XKR6: variants seen among roughly 807,000 people sequenced by gnomAD.
XKR6 encodes the protein XK-related protein 6.
In XKR6, 22 loss-of-function variants were observed where a neutral mutation model predicts 56.7. That is an observed-to-expected ratio of 0.39 (90% confidence interval 0.28 to 0.55). The LOEUF (loss-of-function observed/expected upper bound fraction) is 0.55. Among genes scored for constraint, XKR6 ranks in the 20% least tolerant of loss-of-function variants. The pLI is 0.66. For synonymous variants in XKR6, 524 were observed against 387.8 expected (o/e 1.35, Z -4.13); for missense variants, 852 against 889.0 (o/e 0.96, Z 0.53).
At chr8:11,021,595 C>T (rs1798750709) in intron 1 of XKR6, among the ~76,000 whole-genome samples, 1 of 152,164 alleles carries the variant, frequency 6.6e-6, no homozygotes, top group South Asian at 2.1e-4. Flanking sequence ...GCTGGGTCTG[C>T]TCAGGACCCA....
intron 1 of XKR6, among the ~76,000 whole-genome samples, chr8:10,983,404 A>G (rs1797779715): frequency 6.6e-6 from 1 of 152,108 alleles, no homozygotes; most frequent in Non-Finnish European, 1.5e-5. Context: ...TGTAAAGATC[A>G]ATTTGTAAAC....
intron 1 of XKR6, among the ~76,000 whole-genome samples, chr8:10,955,877 T>A (rs1248901822): frequency 6.6e-6 from 1 of 152,232 alleles, no homozygotes; most frequent in African/African-American, 2.4e-5. Context: ...TTCAATGTCA[T>A]GTTGCCTTGA....
At chr8:11,172,934 A>G (rs560175504) in intron 1 of XKR6, among the ~76,000 whole-genome samples, 1 of 152,352 alleles carries the variant, frequency 6.6e-6, no homozygotes, top group East Asian at 1.9e-4. Context: ...GTTTCAAGTT[A>G]TACATTCAAT....
At chr8:11,085,352 G>A (rs145790994) in intron 1 of XKR6, among the ~76,000 whole-genome samples, 7 of 152,328 alleles carry the variant, frequency 4.6e-5, no homozygotes, top group African/African-American at 1.7e-4. Flanking sequence ...CATGGGGTGC[G>A]GTTGCTGCTC....
intron 1 of XKR6, chr8:11,066,872 C>A (rs1307693986): frequency 6.6e-6 from 1 of 152,218 alleles, no homozygotes; most frequent in Non-Finnish European, 1.5e-5. Flanking sequence ...TGTCTGCACA[C>A]AGTGGTCCCC....
chr8:11,146,308 T>C (rs1031635232), intron 1 of XKR6, among the ~76,000 whole-genome samples: 6 of 152,130 alleles, frequency 3.9e-5, no homozygotes, highest in African/African-American at 1.2e-4. Context: ...TTCTAAAATA[T>C]GATACCAAAA....
At chr8:11,120,061 A>C (rs1407159612) in intron 1 of XKR6, among the ~76,000 whole-genome samples, 1 of 152,230 alleles carries the variant, frequency 6.6e-6, no homozygotes, top group Non-Finnish European at 1.5e-5. Context: ...TATCTATGAC[A>C]AACCCACAGC....
At chr8:10,996,601 C>T (rs1247707677) in intron 1 of XKR6, among the ~76,000 whole-genome samples, 1 of 152,168 alleles carries the variant, frequency 6.6e-6, no homozygotes, top group Admixed American at 6.5e-5. Flanking sequence ...TCTGCTGTAT[C>T]TACAAGTGGC....
At chr8:11,066,015 C>T (rs1198339556) in intron 1 of XKR6, among the ~76,000 whole-genome samples, 2 of 152,252 alleles carry the variant, frequency 1.3e-5, no homozygotes, top group Non-Finnish European at 2.9e-5. Context: ...GCTCTGCATT[C>T]TCTGAAGTCC....
chr8:11,029,785 C>G (rs114815444), intron 1 of XKR6, among the ~76,000 whole-genome samples: 10,255 of 152,102 alleles, frequency 0.067, 389 homozygotes, highest in South Asian at 0.11. Context: ...GAACCCAGGA[C>G]ACTCTAACTC....
chr8:10,936,223 C>G lies in XKR6; in HGVS notation c.765-11393G>C, dbSNP rs917238229. On this transcript the variant is annotated intron_variant, in intron 1 of 2. Transcript: ENST00000416569. Reference sequence around the variant, plus strand: ...TTTTATCAGAGAGTAGGATTGCAACCCCTGCCTTTTTTTGTTTTCCATTTG... The same window carrying G: ...TTTTATCAGAGAGTAGGATTGCAACGCCTGCCTTTTTTTGTTTTCCATTTG... Among the ~76,000 whole-genome samples the G allele has an allele frequency of 5.4e-4, 82 of 150,636 alleles. 1 individual carries two copies. The highest frequency in any genetic ancestry group is 1.9e-3 in the South Asian group (9 of 4,754).
chr8:11,171,617 G>A (rs1802372315), intron 1 of XKR6, among the ~76,000 whole-genome samples: 1 of 152,150 alleles, frequency 6.6e-6, no homozygotes, highest in African/African-American at 2.4e-5. Flanking sequence ...CTTGCCGTGT[G>A]ATCTCTGCAC....
chr8:11,031,873 C>T (rs563202452), intron 1 of XKR6, among the ~76,000 whole-genome samples: 1 of 152,298 alleles, frequency 6.6e-6, no homozygotes. Flanking sequence ...ATTTTTGCAT[C>T]CCAAAGCACC....
chr8:11,048,605 T>G (rs1037299971), intron 1 of XKR6, among the ~76,000 whole-genome samples: 2 of 152,126 alleles, frequency 1.3e-5, no homozygotes, highest in African/African-American at 4.8e-5. Context: ...CCCCGAGGAT[T>G]CGGATGCACG....
chr8:10,954,736 CAA>C (rs1801822828), intron 1 of XKR6, among the ~76,000 whole-genome samples: 1 of 152,016 alleles, frequency 6.6e-6, no homozygotes, highest in Non-Finnish European at 1.5e-5. Context: ...TTGCCTAATC[CAA>C]AGTCATGAAG....
rs917252613 is a variant in XKR6 at position 11,200,452 on chromosome 8, C to A, written c.764+124G>T. ...TCTTTTGGAGACGCCAGGGGCGGCG[C>A]GCGGCCGGTCCCTCCTTCGAGCCCC... On this transcript the variant is annotated intron_variant, in intron 1 of 2. Coordinates refer to ENST00000416569, the MANE Select transcript of XKR6 (RefSeq NM_173683.4). The surrounding 1 kb of genome is among the most constrained non-coding windows in gnomAD (Gnocchi z 6.4). 150 of 1,232,826 alleles carry A rather than the reference C, an allele frequency of 1.2e-4. No homozygotes were observed. The highest frequency in any genetic ancestry group is 1.5e-4 in the Non-Finnish European group (143 of 961,136). The allele number at this position is 1,232,826 out of a possible 1,614,324, so 76.4% of individuals were successfully genotyped here. A position where few individuals can be genotyped will look rare whatever the true frequency, so the allele number is the denominator to read the frequency against.
At chr8:11,142,878 T>C (rs1800777112) in intron 1 of XKR6, among the ~76,000 whole-genome samples, 1 of 152,214 alleles carries the variant, frequency 6.6e-6, no homozygotes, top group Non-Finnish European at 1.5e-5. Flanking sequence ...ACTTGTCGAC[T>C]ATGCTGAAAG....
intron 2 of XKR6, among the ~76,000 whole-genome samples, chr8:10,904,418 A>G (rs1206983489): frequency 6.6e-6 from 1 of 152,222 alleles, no homozygotes; most frequent in Non-Finnish European, 1.5e-5. Context: ...CAGAGCCAGA[A>G]AGGCAGTCAT....
intron 1 of XKR6, among the ~76,000 whole-genome samples, chr8:11,103,560 G>T (rs1398550487): frequency 6.6e-6 from 1 of 152,220 alleles, no homozygotes; most frequent in Non-Finnish European, 1.5e-5. Flanking sequence ...TCCATTCTGT[G>T]ATGTGGGTTT....
Sources: allele counts gnomAD v4.1 joint callset (sites outside exome capture counted in the v4.1 genomes callset), GRCh38; gene constraint gnomAD v4.1.1; non-coding constraint Gnocchi (gnomAD v3.1); transcripts MANE v1.5; gene names NCBI Gene and HGNC (gene_info 2026-07-23, HGNC 2026-07-21).